Variants in ASB13 observed in about 807,000 individuals in gnomAD.
The protein encoded by ASB13 is ankyrin repeat and SOCS box protein 13.
In ASB13, 33 loss-of-function variants were observed where a neutral mutation model predicts 28.8. The ratio of observed to expected loss-of-function variants is 1.15; its 90% CI spans 0.87 to 1.53. ASB13 has a LOEUF of 1.53. Among genes scored for constraint, ASB13 ranks in the 40% most tolerant of loss-of-function variants. The pLI, the probability that ASB13 is intolerant of heterozygous loss-of-function variation, is 0.00. For missense variants in ASB13, 414 were observed against 390.1 expected, an observed-to-expected ratio of 1.06 and a Z score of -0.52; for synonymous variants, 182 against 172.9, an observed-to-expected ratio of 1.05 and a Z score of -0.41.
At chr10:5,653,088 C>T in intron 1 of ASB13, 38 bp from the exon 2 acceptor site, 3 of 1,502,832 alleles carry the variant, frequency 2.0e-6, no homozygotes, top group African/African-American at 2.8e-5. Flanking sequence ...GACCCTGCCA[C>T]TTCCATCCAG....
In ASB13 at chr10:5,640,739, G is replaced by A; in HGVS notation, c.801C>T (p.Ile267=). The A allele has an allele frequency of 6.2e-7, 1 of 1,614,138 alleles. No homozygotes were observed. The highest frequency in any genetic ancestry group is 2.2e-5 in the East Asian group (1 of 44,876). The change falls in exon 6 of 6, where the codon ATC becomes ATT. Residue 267 remains isoleucine, a synonymous_variant. Coordinates refer to ENST00000357700, the MANE Select transcript of ASB13 (RefSeq NM_024701.4). ...RGLEKIAKLN[I]PPRLIDYLSY... is the part of the protein sequence containing the mutation. The stretch of plus-strand genomic sequence containing the variant: ...AGAGGTAATCAATGAGCCGGGGCGG[G>A]ATGTTTAACTTGGCAATCTTCTCCA...
In ASB13 at chr10:5,652,063, A is replaced by C. The variant is rs908771074; in HGVS notation, c.232-700T>G. 8.2e-6 allele frequency among the ~76,000 whole-genome samples: 1 copy of C among 122,526 alleles called. No individual in the cohort carries two copies. The highest frequency in any genetic ancestry group is 1.7e-5 in the Non-Finnish European group (1 of 59,436). 80.4% of individuals were successfully genotyped at this position (122,526 alleles called of 152,430 possible). A position where few individuals can be genotyped will look rare whatever the true frequency, so the allele number is the denominator to read the frequency against. On this transcript the variant is annotated intron_variant, in intron 2 of 5. Transcript: ENST00000357700. The surrounding 1 kb of genome is among the most constrained non-coding windows in gnomAD (Gnocchi z 5.0). ...ACACACACACACACACACACACACA[A>C]AACTCTAACCTCAATGGAAGGAATG...
chr10:5,650,276 G>A lies in ASB13; in HGVS notation c.382+937C>T, dbSNP rs968735889. On this transcript the variant is annotated intron_variant, in intron 3 of 5. Transcript: ENST00000357700. The surrounding 1 kb of genome is among the most constrained non-coding windows in gnomAD (Gnocchi z 6.0). ...CTTCCAGGAGACCCCAGCCACCACT[G>A]CACCTCCGTCTATCTGCACATGGAG... Among the ~76,000 whole-genome samples the A allele has an allele frequency of 2.0e-5, 3 of 152,104 alleles. No individual in the cohort carries two copies. Among genetic ancestry groups the A allele is most frequent in the Non-Finnish European group, 4.4e-5 (3 of 68,008 alleles).
chr10:5,642,464 A>G lies in ASB13; in HGVS notation c.518-503T>C, dbSNP rs1389464960. On this transcript the variant is annotated intron_variant, in intron 4 of 5. Transcript: ENST00000357700. The surrounding 1 kb of genome is among the most constrained non-coding windows in gnomAD (Gnocchi z 4.1). The stretch of plus-strand genomic sequence containing the variant: ...ATATTCTTTTACAAAAGGAAAACAG[A>G]TAACGTACCCAAAACAGTAGGCAAT... The G allele has an allele frequency of 8.5e-7, 1 of 1,174,710 alleles. No individual in the cohort carries two copies. Among genetic ancestry groups the G allele is most frequent in the Non-Finnish European group, 1.1e-6 (1 of 934,112 alleles). The allele number at this position is 1,174,710 out of a possible 1,614,324, so 72.8% of individuals were successfully genotyped here.
At position 5,659,169 on chromosome 10, in the gene ASB13, C is replaced by G. The variant is rs1264011185; in HGVS notation, c.44-6119G>C. Among the ~76,000 whole-genome samples, 1 of 152,152 alleles carries G rather than the reference C, an allele frequency of 6.6e-6. No individual in the cohort carries two copies. The highest frequency in any genetic ancestry group is 6.5e-5 in the Admixed American group (1 of 15,274). ...CCCTGTGCCAGGCTCCCTGTGGTGG[C>G]AAGACGCCCCCCCTCCCCAATCCCT... On this transcript the variant is annotated intron_variant, in intron 1 of 5. Coordinates refer to ENST00000357700, the MANE Select transcript of ASB13 (RefSeq NM_024701.4). The surrounding 1 kb of genome is among the most constrained non-coding windows in gnomAD (Gnocchi z 5.8).
In ASB13 at chr10:5,660,644, A is replaced by T. The variant is rs887857400; in HGVS notation, c.43+5865T>A. Reference sequence around the variant, plus strand: ...TGGCCACCTGTAAATGCTGTGAGTAACAGGCACTGCCATGGCTCCAGGATC... The same window carrying T: ...TGGCCACCTGTAAATGCTGTGAGTATCAGGCACTGCCATGGCTCCAGGATC... On this transcript the variant is annotated intron_variant, in intron 1 of 5. Transcript: ENST00000357700. The surrounding 1 kb of genome is among the most constrained non-coding windows in gnomAD (Gnocchi z 6.1). Among the ~76,000 whole-genome samples the T allele has an allele frequency of 1.3e-5, 2 of 152,192 alleles. No individual in the cohort carries two copies. The highest frequency in any genetic ancestry group is 2.4e-5 in the African/African-American group (1 of 41,448).
In ASB13 at chr10:5,641,103, GA is replaced by G. The variant is rs1205879274; in HGVS notation, c.710-274del. On this transcript the variant is annotated intron_variant, in intron 5 of 5. Coordinates refer to ENST00000357700, the MANE Select transcript of ASB13 (RefSeq NM_024701.4). The surrounding 1 kb of genome is among the most constrained non-coding windows in gnomAD (Gnocchi z 8.4). ...TTTTTGTTTTTTGTTTTTTGAGACA[GA>G]AAAAAAGCGACAGAGGCAAGAATCT... Among the ~76,000 whole-genome samples, 1 of 151,866 alleles carries G rather than the reference GA, an allele frequency of 6.6e-6. No individual in the cohort carries two copies. Among genetic ancestry groups the G allele is most frequent in the Non-Finnish European group, 1.5e-5 (1 of 67,992 alleles).
chr10:5,653,168 G>T, intron 1 of ASB13, 118 bp from the exon 2 acceptor site: 4 of 1,077,840 alleles, frequency 3.7e-6, no homozygotes, highest in Non-Finnish European at 5.2e-6. Context: ...TCATGCAATT[G>T]TCCCAGCACT....
In ASB13 at chr10:5,664,746, T is replaced by A. The variant is rs1259605761; in HGVS notation, c.43+1763A>T. On this transcript the variant is annotated intron_variant, in intron 1 of 5. Coordinates refer to ENST00000357700, the MANE Select transcript of ASB13 (RefSeq NM_024701.4). This position sits in a 1 kb window ranked among gnomAD's most constrained non-coding sequence, Gnocchi z 4.2. ...CCCAGGCTGGAGTGCAATGGCATGA[T>A]CTCAGCTCACTACAACCTCTGCCTA... is the stretch of plus-strand genomic sequence containing the variant. Among the ~76,000 whole-genome samples the A allele has an allele frequency of 6.6e-6, 1 of 152,198 alleles. No homozygotes were observed. The highest frequency in any genetic ancestry group is 1.5e-5 in the Non-Finnish European group (1 of 68,042).
rs1201850999 is a variant in ASB13 at position 5,653,044 on chromosome 10, C to T, written c.50G>A (p.Trp17Ter). The T allele has an allele frequency of 1.3e-6, 2 of 1,541,514 alleles. No homozygotes were observed. Among genetic ancestry groups the T allele is most frequent in the African/African-American group, 2.7e-5 (2 of 72,764 alleles). Residue 17 changes from tryptophan (W) to a stop codon, truncating the protein, a stop_gained, in exon 2 of 6, where the codon TGG (tryptophan) becomes TAG (stop). Transcript: ENST00000357700. LOFTEE classifies it high-confidence loss of function. ...CTCGTGCACAGGGGTCCGCTCCACC[C>T]AGAAACCTGGAAAGGAAGGGGACCT... is the stretch of plus-strand genomic sequence containing the variant. The part of the protein sequence containing the change: ...DGCFLGDVGF[W>*]VERTPVHEAA...
chr10:5,654,770 A>G (rs1835045268), intron 1 of ASB13, among the ~76,000 whole-genome samples: 1 of 152,040 alleles, frequency 6.6e-6, no homozygotes, highest in Non-Finnish European at 1.5e-5. Context: ...AAACCTTCCT[A>G]TCACCTGGAT....
rs549032654 is a variant in ASB13 at position 5,660,245 on chromosome 10, C to T, written c.43+6264G>A. Among the ~76,000 whole-genome samples the T allele has an allele frequency of 1.1e-3, 161 of 152,338 alleles. No individual in the cohort carries two copies. The highest frequency in any genetic ancestry group is 8.8e-4 in the Non-Finnish European group (60 of 68,030). The stretch of plus-strand genomic sequence containing the variant: ...GACGTCACCTTGAGAAGGAATGACA[C>T]GTGCTTCAGAACGTTCTCTCCACTC... On this transcript the variant is annotated intron_variant, in intron 1 of 5. Transcript: ENST00000357700. The surrounding 1 kb of genome is among the most constrained non-coding windows in gnomAD (Gnocchi z 6.1).
Position 5,652,805 on chromosome 10 carries a change from C to T in ASB13, c.231+58G>A. 5 of 1,452,868 alleles carry T rather than the reference C, an allele frequency of 3.4e-6. No homozygotes were observed. Among genetic ancestry groups the T allele is most frequent in the Non-Finnish European group, 4.6e-6 (5 of 1,098,018 alleles). The allele number at this position is 1,452,868 out of a possible 1,614,324, so 90.0% of individuals were successfully genotyped here. On this transcript the variant is annotated intron_variant, in intron 2 of 5. Transcript: ENST00000357700. The surrounding 1 kb of genome is among the most constrained non-coding windows in gnomAD (Gnocchi z 5.0). Reference sequence around the variant, plus strand: ...TCTTTCCCAAGTTCTCCTGAGTCAACCTCCTCCATTCTGGCAGCTGCAGCC... The same window carrying T: ...TCTTTCCCAAGTTCTCCTGAGTCAATCTCCTCCATTCTGGCAGCTGCAGCC...
Position 5,652,026 on chromosome 10 carries a change from C to CCACACACACA in ASB13, c.232-673_232-664dup, listed in dbSNP as rs5782851. ...CAAAAAAAAAAAAAAAAAAAAAAAACCACACACACACACACACACACACAC... is the reference window on the plus strand; with the variant it reads ...CAAAAAAAAAAAAAAAAAAAAAAAACCACACACACACACACACACACACACACACACACAC... On this transcript the variant is annotated intron_variant, in intron 2 of 5. Transcript: ENST00000357700. The surrounding 1 kb of genome is among the most constrained non-coding windows in gnomAD (Gnocchi z 5.0). Among the ~76,000 whole-genome samples, 442 of 59,000 alleles carry CCACACACACA rather than the reference C, an allele frequency of 7.5e-3. 10 individuals are homozygous for CCACACACACA. The East Asian group carries it at 0.076, about 10-fold the overall frequency. The allele number at this position is 59,000 out of a possible 152,430, so 38.7% of individuals were successfully genotyped here.
chr10:5,640,801 T>G lies in ASB13; in HGVS notation c.739A>C (p.Arg247=). 2 of 1,614,114 alleles carry G rather than the reference T, an allele frequency of 1.2e-6. No homozygotes were observed. Among genetic ancestry groups the G allele is most frequent in the Non-Finnish European group, 1.7e-6 (2 of 1,180,006 alleles). ...KTPLTLSQLC[R]VNLRKATGVR... is the part of the protein sequence containing the mutation. Reference sequence around the variant, plus strand: ...CCAGTGGCCTTCCTCAAGTTCACCCTGCAGAGCTGTGACAGAGTCAGAGGT... The same window carrying G: ...CCAGTGGCCTTCCTCAAGTTCACCCGGCAGAGCTGTGACAGAGTCAGAGGT... The change falls in exon 6 of 6, where the codon AGG becomes CGG. Residue 247 remains arginine, a synonymous_variant. Transcript: ENST00000357700.
At position 5,659,078 on chromosome 10, in the gene ASB13, T is replaced by C. The variant is rs1835116751; in HGVS notation, c.44-6028A>G. On this transcript the variant is annotated intron_variant, in intron 1 of 5. Transcript: ENST00000357700. The surrounding 1 kb of genome is among the most constrained non-coding windows in gnomAD (Gnocchi z 5.8). Reference sequence around the variant, plus strand: ...TCACGGACCTTAAATGGATGAGGAGTGAGCACAGGAAATGCTGTCTGTTAG... The same window carrying C: ...TCACGGACCTTAAATGGATGAGGAGCGAGCACAGGAAATGCTGTCTGTTAG... Among the ~76,000 whole-genome samples, 1 of 151,892 alleles carries C rather than the reference T, an allele frequency of 6.6e-6. No individual in the cohort carries two copies. Among genetic ancestry groups the C allele is most frequent in the Non-Finnish European group, 1.5e-5 (1 of 67,962 alleles).
At position 5,646,598 on chromosome 10, in the gene ASB13, C is replaced by T. The variant is rs562189452; in HGVS notation, c.517+2372G>A. On this transcript the variant is annotated intron_variant, in intron 4 of 5. Transcript: ENST00000357700. The stretch of plus-strand genomic sequence containing the variant: ...GGGTGACACCACGGAACCTCCGGTC[C>T]AGCCGCCCCTAATCCTGCTCTGCGT... Among the ~76,000 whole-genome samples the T allele has an allele frequency of 6.7e-4, 102 of 152,304 alleles. 1 individual carries two copies. The highest frequency in any genetic ancestry group is 1.1e-3 in the Non-Finnish European group (75 of 68,022).
rs753839855 is a variant in ASB13, at chr10:5,651,208, C to G, written c.382+5G>C. ...CTGGGCCAGCCCAGCCGTCTGCCAA[C>G]TCACCGCTCATGCAGGCCTCGTGCA... On this transcript the variant is annotated splice_donor_5th_base_variant and intron_variant, in intron 3 of 5. Transcript: ENST00000357700. This position sits in a 1 kb window ranked among gnomAD's most constrained non-coding sequence, Gnocchi z 5.1. 2 of 1,599,936 alleles carry G rather than the reference C, an allele frequency of 1.3e-6. No individual in the cohort carries two copies. The highest frequency in any genetic ancestry group is 2.2e-5 in the South Asian group (2 of 89,060).
At position 5,666,567 on chromosome 10, in the gene ASB13, C is replaced by T; in HGVS notation, c.-16G>A. On this transcript the variant is annotated 5_prime_UTR_variant, in exon 1 of 6. Coordinates refer to ENST00000357700, the MANE Select transcript of ASB13 (RefSeq NM_024701.4). ...GGGGCTCCATGCGGCTCACCGGCGGCCGCGCGGCGACTCTGGGCGCCGGGA... is the reference window on the plus strand; with the variant it reads ...GGGGCTCCATGCGGCTCACCGGCGGTCGCGCGGCGACTCTGGGCGCCGGGA... The T allele has an allele frequency of 8.7e-7, 1 of 1,148,160 alleles. No individual in the cohort carries two copies. The highest frequency in any genetic ancestry group is 1.1e-6 in the Non-Finnish European group (1 of 934,606). The allele number at this position is 1,148,160 out of a possible 1,614,324, so 71.1% of individuals were successfully genotyped here. A position where few individuals can be genotyped will look rare whatever the true frequency, so the allele number is the denominator to read the frequency against.
Sources: allele counts gnomAD v4.1 joint callset (sites outside exome capture counted in the v4.1 genomes callset), GRCh38; gene constraint gnomAD v4.1.1; non-coding constraint Gnocchi (gnomAD v3.1); transcripts MANE v1.5; gene names NCBI Gene and HGNC (gene_info 2026-07-23, HGNC 2026-07-21).